PTCD2: variants seen among roughly 807,000 people sequenced by gnomAD.
PTCD2 encodes the protein pentatricopeptide repeat domain 2, also known as pentatricopeptide repeat-containing protein 2, mitochondrial.
A neutral mutation model predicts 42.6 loss-of-function variants in PTCD2; 31 were observed. That is an observed-to-expected ratio of 0.73 (90% CI 0.55 to 0.98). The LOEUF is 0.98. Among genes scored for constraint, PTCD2 ranks in the 50% least tolerant of loss-of-function variants. The pLI is 0.00. For missense variants in PTCD2, 476 were observed against 454.8 expected, an observed-to-expected ratio of 1.05 and a Z score of -0.42; for synonymous variants, 183 against 170.9, an observed-to-expected ratio of 1.07 and a Z score of -0.55.
chr5:72,321,144 AG>A (rs1385206382), intron 1 of PTCD2: 1 of 152,318 alleles, frequency 6.6e-6, no homozygotes, highest in Non-Finnish European at 1.5e-5. Flanking sequence ...GGTCTTATGG[AG>A]TCTCAGTTCT....
In PTCD2 at chr5:72,362,831, T is replaced by C. The variant is rs1051240861; in HGVS notation, c.*4404T>C. On this transcript the variant is annotated 3_prime_UTR_variant, in exon 10 of 10. Coordinates refer to ENST00000380639, the MANE Select transcript of PTCD2 (RefSeq NM_024754.5). ...AGCCTGCCATGTTGACTCCCAGGGA[T>C]CTTTTTGTTTCTGTAGGAGGTGCTC... 1.3e-5 allele frequency: 2 copies of C among 152,174 alleles called. No homozygotes were observed. The highest frequency in any genetic ancestry group is 2.4e-5 in the African/African-American group (1 of 41,444). 9.4% of individuals were successfully genotyped at this position (152,174 alleles called of 1,614,324 possible).
At chr5:72,348,761 C>T (rs905356875) in intron 8 of PTCD2, among the ~76,000 whole-genome samples, 1 of 152,226 alleles carries the variant, frequency 6.6e-6, no homozygotes, top group Non-Finnish European at 1.5e-5. Context: ...TGGCATGTCT[C>T]CAATTGGAGA....
At chr5:72,348,730 C>T (rs1449891800) in intron 8 of PTCD2, among the ~76,000 whole-genome samples, 1 of 152,216 alleles carries the variant, frequency 6.6e-6, no homozygotes, top group East Asian at 1.9e-4. Context: ...TATTTGAATT[C>T]TAATCATTTA....
At chr5:72,334,001 C>A (rs766535023) in intron 4 of PTCD2, among the ~76,000 whole-genome samples, 8 of 151,910 alleles carry the variant, frequency 5.3e-5, no homozygotes, top group Non-Finnish European at 7.4e-5. Flanking sequence ...AGGATTCCAG[C>A]CTTGTGCCAC....
rs1750858833 is a variant in PTCD2 at position 72,321,732 on chromosome 5, T to A, written c.128-440T>A. Among the ~76,000 whole-genome samples, 3 of 152,234 alleles carry A rather than the reference T, an allele frequency of 2.0e-5. 1 individual carries two copies. In the South Asian group the frequency reaches 6.2e-4, roughly 32 times the overall value. On this transcript the variant is annotated intron_variant, in intron 1 of 9. Coordinates refer to ENST00000380639, the MANE Select transcript of PTCD2 (RefSeq NM_024754.5). The stretch of plus-strand genomic sequence containing the variant: ...AGGACAAAACTGGGAGTTCCAGTGG[T>A]CATGCTGCAGCTTTTTCCACTACAC...
At position 72,358,728 on chromosome 5, in the gene PTCD2, A is replaced by T; in HGVS notation, c.*301A>T. 5.2e-6 allele frequency: 2 copies of T among 385,128 alleles called. No homozygotes were observed. The allele number at this position is 385,128 out of a possible 1,614,324, so 23.9% of individuals were successfully genotyped here. On this transcript the variant is annotated 3_prime_UTR_variant, in exon 10 of 10. Transcript: ENST00000380639. ...TTCCGACACCAGAGTGGAACCCAGT[A>T]AGCACCATCAGGAATGAATTTCACT...
At position 72,338,662 on chromosome 5, in the gene PTCD2, A is replaced by G; in HGVS notation, c.680A>G (p.Glu227Gly). Residue 227 changes from glutamate to glycine, a missense_variant, in exon 7 of 10, where the codon GAA (glutamate) becomes GGA (glycine). Coordinates refer to ENST00000380639, the MANE Select transcript of PTCD2 (RefSeq NM_024754.5). ...TTCAAAATCTGTACTACATTAAGAG[A>G]AGAAGCTCTACTCAAAGGAGAAATT... ...ESFKICTTLR[E>G]EALLKGEILS... 6.2e-7 allele frequency: 1 copy of G among 1,612,482 alleles called. No individual in the cohort carries two copies. Among genetic ancestry groups the G allele is most frequent in the Non-Finnish European group, 8.5e-7 (1 of 1,178,578 alleles).
intron 7 of PTCD2, among the ~76,000 whole-genome samples, chr5:72,341,503 G>C (rs1417084010): frequency 6.6e-6 from 1 of 151,648 alleles, no homozygotes; most frequent in Admixed American, 6.6e-5. Context: ...CTTTGGAAGG[G>C]GGGAGGATCA....
intron 8 of PTCD2, among the ~76,000 whole-genome samples, chr5:72,349,429 G>A (rs776433076): frequency 4.6e-5 from 7 of 152,044 alleles, no homozygotes; most frequent in Non-Finnish European, 1.0e-4. Flanking sequence ...TTCTGTTATC[G>A]AAAAAGGAGG....
At chr5:72,333,596 G>A (rs1338186883) in intron 4 of PTCD2, among the ~76,000 whole-genome samples, 7 of 152,134 alleles carry the variant, frequency 4.6e-5, no homozygotes, top group Non-Finnish European at 7.3e-5. Flanking sequence ...CATTATCATG[G>A]CACACAAAAT....
chr5:72,348,706 C>G (rs1372701738), intron 8 of PTCD2, among the ~76,000 whole-genome samples: 1 of 152,226 alleles, frequency 6.6e-6, no homozygotes, highest in Non-Finnish European at 1.5e-5. Context: ...TGCAGGGTAA[C>G]TTTCCACTGA....
At chr5:72,355,480 A>G (rs1181939549) in intron 9 of PTCD2, among the ~76,000 whole-genome samples, 1 of 152,218 alleles carries the variant, frequency 6.6e-6, no homozygotes, top group Non-Finnish European at 1.5e-5. Flanking sequence ...AGGGACGGAA[A>G]CATGAGTTCT....
intron 5 of PTCD2, among the ~76,000 whole-genome samples, chr5:72,335,397 C>T (rs1438809688): frequency 2.7e-5 from 4 of 145,782 alleles, no homozygotes; most frequent in Non-Finnish European, 4.4e-5. Context: ...TGCAGTGAGC[C>T]GAGATTGCGC....
In PTCD2 at chr5:72,326,735, T is replaced by C. The variant is rs961074035; in HGVS notation, c.344T>C (p.Ile115Thr). Residue 115 changes from isoleucine (I) to threonine (T), a missense_variant, in exon 3 of 10, where the codon ATT becomes ACT. Transcript: ENST00000380639. ...RDHVELAKNV[I>T]YRYHAENKNF... ...CATGTGGAACTGGCTAAAAATGTCATTTACAGGTGAGGCATTTCCTTAGAA... is the reference window on the plus strand; with the variant it reads ...CATGTGGAACTGGCTAAAAATGTCACTTACAGGTGAGGCATTTCCTTAGAA... The C allele has an allele frequency of 1.2e-6, 2 of 1,613,878 alleles. No individual in the cohort carries two copies. The highest frequency in any genetic ancestry group is 1.1e-5 in the South Asian group (1 of 91,046).
At chr5:72,357,975 A>C (rs750787770) in intron 9 of PTCD2, among the ~76,000 whole-genome samples, 2 of 151,840 alleles carry the variant, frequency 1.3e-5, no homozygotes, top group Non-Finnish European at 2.9e-5. Flanking sequence ...TTTTAAAAAA[A>C]TTTTTTTACA....
intron 9 of PTCD2, among the ~76,000 whole-genome samples, chr5:72,354,088 G>A (rs1405290370): frequency 6.6e-6 from 1 of 152,088 alleles, no homozygotes; most frequent in African/African-American, 2.4e-5. Flanking sequence ...CTGACAAAAG[G>A]CTAACTAGCC....
At chr5:72,321,947 TCA>T (rs1437520639) in intron 1 of PTCD2, among the ~76,000 whole-genome samples, 1 of 152,232 alleles carries the variant, frequency 6.6e-6, no homozygotes, top group Non-Finnish European at 1.5e-5. Context: ...CTAGCTTCTT[TCA>T]CACACACAAA....
chr5:72,336,710 CAAAAAAAAAA>C (rs57573366), intron 6 of PTCD2, among the ~76,000 whole-genome samples: 1 of 86,584 alleles, frequency 1.2e-5, no homozygotes, highest in African/African-American at 4.5e-5. Context: ...GACTCTGTCT[CAAAAAAAAAA>C]AAAAAAAAAA....
At chr5:72,334,668 A>G (rs1399015736) in intron 4 of PTCD2, among the ~76,000 whole-genome samples, 1 of 151,736 alleles carries the variant, frequency 6.6e-6, no homozygotes, top group Non-Finnish European at 1.5e-5. Context: ...TCTCTGCCTC[A>G]GCCTCCTGAG....
Sources: allele counts gnomAD v4.1 joint callset (sites outside exome capture counted in the v4.1 genomes callset), GRCh38; gene constraint gnomAD v4.1.1; transcripts MANE v1.5; gene names NCBI Gene and HGNC (gene_info 2026-07-23, HGNC 2026-07-21).